HIVEP1: variants seen among roughly 807,000 people sequenced by gnomAD.
The protein encoded by HIVEP1 is zinc finger protein 40.
In HIVEP1, 36 loss-of-function variants were observed where a neutral mutation model predicts 180.0. That is an observed-to-expected ratio of 0.20 (90% confidence interval 0.15 to 0.26). HIVEP1 has a LOEUF of 0.26. Among genes scored for constraint, HIVEP1 ranks in the 10% least tolerant of loss-of-function variants. The pLI, the probability that HIVEP1 is intolerant of heterozygous loss-of-function variation, is 1.00. For synonymous variants in HIVEP1, 1,239 were observed against 1,239.0 expected, an observed-to-expected ratio of 1.00 and a Z score of 0.00; for missense variants, 3,143 against 3,268.7, an observed-to-expected ratio of 0.96 and a Z score of 0.94.
At chr6:12,147,576 A>ATT (rs3836954) in intron 7 of HIVEP1, among the ~76,000 whole-genome samples, 62,514 of 151,816 alleles carry the variant, frequency 0.41, 13,701 homozygotes, top group African/African-American at 0.57. Context: ...GTGGGAATTT[A>ATT]GACAGTAATG....
At chr6:12,030,649 A>T (rs1246311213) in intron 2 of HIVEP1, among the ~76,000 whole-genome samples, 3 of 152,054 alleles carry the variant, frequency 2.0e-5, no homozygotes, top group Non-Finnish European at 4.4e-5. Context: ...AATTTCTATC[A>T]CTTTATTGAG....
chr6:12,129,528 A>G (rs1758292339), intron 4 of HIVEP1: 1 of 614,948 alleles, frequency 1.6e-6, no homozygotes, highest in Non-Finnish European at 3.0e-6. Context: ...TGGGGGTGTC[A>G]GTGAACTGTG....
intron 2 of HIVEP1, among the ~76,000 whole-genome samples, chr6:12,022,982 A>C (rs1377724778): frequency 6.6e-6 from 1 of 152,166 alleles, no homozygotes; most frequent in Admixed American, 6.5e-5. Context: ...GTTAAACAGA[A>C]TATTTGTCTT....
chr6:12,042,701 A>G (rs920504605), intron 2 of HIVEP1, among the ~76,000 whole-genome samples: 8 of 152,122 alleles, frequency 5.3e-5, no homozygotes, highest in Middle Eastern at 3.2e-3. Context: ...TAATATTTCT[A>G]ATAGAAATAG....
intron 2 of HIVEP1, among the ~76,000 whole-genome samples, chr6:12,087,623 G>A (rs1055610750): frequency 1.3e-5 from 2 of 151,908 alleles, no homozygotes; most frequent in Non-Finnish European, 2.9e-5. Context: ...TTTAAAAGTG[G>A]GTCTTAGCCT....
At chr6:12,182,876 G>C in the HIVEP1 span, among the ~76,000 whole-genome samples, 1 of 152,202 alleles carries the variant, frequency 6.6e-6, no homozygotes, top group South Asian at 2.1e-4. Flanking sequence ...GGGTGACACT[G>C]TGTGCATGAG....
At chr6:12,210,711 C>T in the HIVEP1 span, among the ~76,000 whole-genome samples, 1 of 152,096 alleles carries the variant, frequency 6.6e-6, no homozygotes, top group Admixed American at 6.6e-5. Context: ...AAATTAAACA[C>T]AACTGCCAGG....
rs142231906 is a variant in HIVEP1 at position 12,063,884 on chromosome 6, C to T, written c.41-25300C>T. 6.6e-5 allele frequency among the ~76,000 whole-genome samples: 10 copies of T among 152,274 alleles called. No individual in the cohort carries two copies. The highest frequency in any genetic ancestry group is 2.4e-4 in the African/African-American group (10 of 41,546). ...CTAGACCTTCCTGAGCACTGCAAACCTTGGGTCTTAAGTTTGGGACTGCCA... is the reference window on the plus strand; with the variant it reads ...CTAGACCTTCCTGAGCACTGCAAACTTTGGGTCTTAAGTTTGGGACTGCCA... On this transcript the variant is annotated intron_variant, in intron 2 of 8. Coordinates refer to ENST00000379388, the MANE Select transcript of HIVEP1 (RefSeq NM_002114.4). The surrounding 1 kb of genome is among the most constrained non-coding windows in gnomAD (Gnocchi z 4.2).
intron 2 of HIVEP1, among the ~76,000 whole-genome samples, chr6:12,029,336 G>A (rs1427967749): frequency 6.6e-6 from 1 of 152,188 alleles, no homozygotes; most frequent in African/African-American, 2.4e-5. Context: ...CACTGTTGCA[G>A]GTGTGTCTTT....
At position 12,123,238 on chromosome 6, in the gene HIVEP1, T is replaced by G. The variant is rs199998537; in HGVS notation, c.3443T>G (p.Phe1148Cys). ...AACTCCCTGAGCAGGCCCAACTCAT[T>G]TGACAAGCCTGAGCCTTTTGAAAGA... is the stretch of plus-strand genomic sequence containing the variant. ...HTNSLSRPNS[F>C]DKPEPFERAS... The change falls in exon 4 of 9, where the codon TTT (phenylalanine) becomes TGT (cysteine). Residue 1148 changes from phenylalanine to cysteine, a missense_variant. Phe to Cys is a radical substitution (Grantham distance 205). This residue lies in a region of HIVEP1 where 1,357 missense variants were observed against 1,260.5 expected (regional missense o/e 1.08). Coordinates refer to ENST00000379388, the MANE Select transcript of HIVEP1 (RefSeq NM_002114.4). 318 of 1,614,016 alleles carry G rather than the reference T, an allele frequency of 2.0e-4. No individual in the cohort carries two copies. The highest frequency in any genetic ancestry group is 2.5e-4 in the Non-Finnish European group (293 of 1,180,030).
intron 2 of HIVEP1, among the ~76,000 whole-genome samples, chr6:12,068,604 C>T (rs941931950): frequency 4.0e-5 from 6 of 151,896 alleles, no homozygotes; most frequent in African/African-American, 7.3e-5. Context: ...TGACAGTATG[C>T]GTATATATTC....
chr6:12,162,054 CT>C (rs1760442806), intron 8 of HIVEP1, 125 bp downstream of exon 8: 2 of 860,376 alleles, frequency 2.3e-6, no homozygotes, highest in Non-Finnish European at 3.5e-6. Context: ...GTTTGTATAG[CT>C]TTATTTTTTT....
intron 2 of HIVEP1, among the ~76,000 whole-genome samples, chr6:12,051,372 A>G (rs1770528092): frequency 6.6e-6 from 1 of 152,052 alleles, no homozygotes; most frequent in Admixed American, 6.5e-5. Context: ...TTTTTGTTTT[A>G]CAATCACAGA....
At chr6:12,159,406 A>T (rs945117873) in intron 7 of HIVEP1, among the ~76,000 whole-genome samples, 4 of 151,922 alleles carry the variant, frequency 2.6e-5, no homozygotes, top group African/African-American at 7.3e-5. Flanking sequence ...AAAAAAAAAA[A>T]TACCTAATTT....
the HIVEP1 span, among the ~76,000 whole-genome samples, chr6:12,188,199 C>T: frequency 6.6e-6 from 1 of 152,292 alleles, no homozygotes; most frequent in African/African-American, 2.4e-5. Flanking sequence ...TGACAAGCCA[C>T]AACCAAATGG....
chr6:12,015,743 G>A, intron 2 of HIVEP1, 75 bp downstream of exon 2: 2 of 1,385,376 alleles, frequency 1.4e-6, no homozygotes, highest in Admixed American at 3.6e-5. Context: ...TGACAGGAAT[G>A]GCCGTTTGTT....
At chr6:12,105,535 A>G (rs1774369751) in intron 3 of HIVEP1, among the ~76,000 whole-genome samples, 1 of 152,156 alleles carries the variant, frequency 6.6e-6, no homozygotes, top group African/African-American at 2.4e-5. Context: ...TTGTCTAGGT[A>G]ATCTGTTGTC....
intron 6 of HIVEP1, among the ~76,000 whole-genome samples, chr6:12,134,665 G>A (rs1321923612): frequency 6.6e-6 from 1 of 151,502 alleles, no homozygotes; most frequent in Non-Finnish European, 1.5e-5. Context: ...TGCCCTTGTT[G>A]GCAATGCTTT....
chr6:12,178,829 G>T, the HIVEP1 span, among the ~76,000 whole-genome samples: 1 of 152,198 alleles, frequency 6.6e-6, no homozygotes, highest in Non-Finnish European at 1.5e-5. Context: ...CTGAAAAATT[G>T]TGAAGAACCT....
Sources: gnomAD v4.1 joint callset for allele counts (sites outside exome capture counted in the v4.1 genomes callset) on GRCh38, gnomAD v4.1.1 for gene constraint, gnomAD v4.1.1 regional missense constraint, Gnocchi (gnomAD v3.1) non-coding constraint, MANE v1.5 for transcripts, NCBI Gene and HGNC (gene_info 2026-07-23, HGNC 2026-07-21) for gene names.